PLD5: variants seen among roughly 807,000 people sequenced by gnomAD.
The protein encoded by PLD5 is inactive phospholipase D5.
Under a neutral mutation model 61.1 loss-of-function variants are expected in PLD5, and 36 were observed. The observed-to-expected ratio is 0.59, with a 90% CI of 0.45 to 0.78. The LOEUF (loss-of-function observed/expected upper bound fraction) is 0.78, where lower values mean the gene tolerates loss of function less well. PLD5 is among the 30% of genes least tolerant of loss of function. The pLI, the probability that PLD5 is intolerant of heterozygous loss-of-function variation, is 0.00. For synonymous variants in PLD5, 243 were observed against 242.8 expected (o/e 1.00, Z -0.01); for missense variants, 515 against 644.4 (o/e 0.80, Z 2.17).
intron 1 of PLD5, among the ~76,000 whole-genome samples, chr1:242,389,706 C>A (rs1662811442): frequency 6.6e-6 from 1 of 151,966 alleles, no homozygotes; most frequent in Admixed American, 6.6e-5. Flanking sequence ...GAAAAATATT[C>A]ATCCACTCCA....
chr1:242,374,413 A>T (rs1661828706), intron 1 of PLD5, among the ~76,000 whole-genome samples: 1 of 152,106 alleles, frequency 6.6e-6, no homozygotes, highest in African/African-American at 2.4e-5. Context: ...GGCTCAGAAA[A>T]CAATATCTCT....
chr1:242,205,603 T>C (rs1476099052), intron 5 of PLD5, among the ~76,000 whole-genome samples: 1 of 152,252 alleles, frequency 6.6e-6, no homozygotes, highest in Admixed American at 6.5e-5. Context: ...TAAGGAATAT[T>C]AATTATTCTC....
At chr1:242,313,461 T>G (rs1676824559) in intron 2 of PLD5, among the ~76,000 whole-genome samples, 1 of 152,246 alleles carries the variant, frequency 6.6e-6, no homozygotes, top group Non-Finnish European at 1.5e-5. Flanking sequence ...CTATCTAAGG[T>G]CTAATGAAGT....
At chr1:242,161,205 T>C (rs928126104) in intron 5 of PLD5, among the ~76,000 whole-genome samples, 4 of 152,144 alleles carry the variant, frequency 2.6e-5, no homozygotes, top group Non-Finnish European at 2.9e-5. Flanking sequence ...TAGTTGCACA[T>C]GGCTGGGGAT....
chr1:242,377,973 T>A (rs1662060978), intron 1 of PLD5, among the ~76,000 whole-genome samples: 1 of 152,024 alleles, frequency 6.6e-6, no homozygotes, highest in South Asian at 2.1e-4. Context: ...CTCAGAAAAA[T>A]TTAAGATAAG....
At chr1:242,207,175 G>A (rs1243888729) in intron 5 of PLD5, among the ~76,000 whole-genome samples, 4 of 152,136 alleles carry the variant, frequency 2.6e-5, no homozygotes, top group Non-Finnish European at 5.9e-5. Flanking sequence ...ACAACATCTA[G>A]ACTCATGATT....
chr1:242,259,381 G>A (rs1452607307), intron 4 of PLD5, among the ~76,000 whole-genome samples: 2 of 151,568 alleles, frequency 1.3e-5, no homozygotes, highest in Admixed American at 6.6e-5. Flanking sequence ...AATTGACAAG[G>A]GAAACACATA....
chr1:242,483,714 A>G (rs1355642857), intron 1 of PLD5, among the ~76,000 whole-genome samples: 1 of 152,240 alleles, frequency 6.6e-6, no homozygotes, highest in Non-Finnish European at 1.5e-5. Context: ...CAGACCTAAT[A>G]GACATCTACA....
intron 4 of PLD5, among the ~76,000 whole-genome samples, chr1:242,247,087 C>G (rs1672426770): frequency 6.6e-6 from 1 of 151,420 alleles, no homozygotes; most frequent in African/African-American, 2.4e-5. Flanking sequence ...GGGTTCACGC[C>G]ATTCTCCTGC....
chr1:242,390,103 G>C (rs1187755936), intron 1 of PLD5, among the ~76,000 whole-genome samples: 1 of 71,034 alleles, frequency 1.4e-5, no homozygotes, highest in Non-Finnish European at 3.3e-5. Flanking sequence ...TTGTCTCCCA[G>C]GCTGGAGTGC....
At chr1:242,466,578 G>A (rs1375855809) in intron 1 of PLD5, among the ~76,000 whole-genome samples, 3 of 152,234 alleles carry the variant, frequency 2.0e-5, no homozygotes, top group South Asian at 2.1e-4. Flanking sequence ...AAAGACAAAC[G>A]CTGCATGCTC....
At chr1:242,237,212 A>G (rs916671347) in intron 4 of PLD5, among the ~76,000 whole-genome samples, 4 of 152,106 alleles carry the variant, frequency 2.6e-5, no homozygotes, top group African/African-American at 9.7e-5. Flanking sequence ...TTCTCTATAA[A>G]TATCAGAGCT....
At chr1:242,448,524 C>G (rs1177493340) in intron 1 of PLD5, among the ~76,000 whole-genome samples, 1 of 152,170 alleles carries the variant, frequency 6.6e-6, no homozygotes, top group African/African-American at 2.4e-5. Context: ...TTAATCCTTT[C>G]GAGAAAATGT....
At chr1:242,209,041 T>C (rs1331252989) in intron 5 of PLD5, 1 of 152,232 alleles carries the variant, frequency 6.6e-6, no homozygotes, top group Non-Finnish European at 1.5e-5. Context: ...AATGTGACTT[T>C]TTCTAAAAAC....
chr1:242,228,391 C>T (rs1671088489), intron 4 of PLD5, among the ~76,000 whole-genome samples: 1 of 152,100 alleles, frequency 6.6e-6, no homozygotes, highest in Admixed American at 6.6e-5. Flanking sequence ...CCGAGGCACC[C>T]GCAGGACACA....
At chr1:242,181,695 ACT>A (rs1667530301) in intron 5 of PLD5, among the ~76,000 whole-genome samples, 1 of 151,448 alleles carries the variant, frequency 6.6e-6, no homozygotes, top group Non-Finnish European at 1.5e-5. Flanking sequence ...ACAGAGTCTC[ACT>A]CTGTCACCAG....
At chr1:242,092,079 C>A (rs187390050) in intron 9 of PLD5, among the ~76,000 whole-genome samples, 31 of 151,980 alleles carry the variant, frequency 2.0e-4, no homozygotes, top group Admixed American at 2.0e-3. Flanking sequence ...CCACCCATCT[C>A]GGCCTCCTAA....
intron 5 of PLD5, among the ~76,000 whole-genome samples, chr1:242,140,943 A>G (rs946677612): frequency 1.3e-5 from 2 of 152,154 alleles, no homozygotes; most frequent in African/African-American, 4.8e-5. Context: ...CCTGTATTTA[A>G]TGATCCACCA....
chr1:242,444,752 TA>T (rs1666449935), intron 1 of PLD5, among the ~76,000 whole-genome samples: 1 of 146,954 alleles, frequency 6.8e-6, no homozygotes, highest in East Asian at 2.0e-4. Flanking sequence ...AAGTAGGCTA[TA>T]TATATAATAT....
Sources: allele counts gnomAD v4.1 joint callset (sites outside exome capture counted in the v4.1 genomes callset), GRCh38; gene constraint gnomAD v4.1.1; transcripts MANE v1.5; gene names NCBI Gene and HGNC (gene_info 2026-07-23, HGNC 2026-07-21).